Variants in CPSF3 observed in about 807,000 individuals in gnomAD.
CPSF3 encodes cleavage and polyadenylation specificity factor subunit 3.
In CPSF3, 57 loss-of-function variants were observed where a neutral mutation model predicts 84.1. The observed-to-expected ratio is 0.68, with a 90% CI of 0.55 to 0.85. The LOEUF (loss-of-function observed/expected upper bound fraction) is 0.85. Among genes scored for constraint, CPSF3 ranks in the 40% least tolerant of loss-of-function variants. The pLI is 0.00. For synonymous variants in CPSF3, 275 were observed against 278.1 expected (o/e 0.99, Z 0.11); for missense variants, 522 against 838.8 (o/e 0.62, Z 4.66).
chr2:9,443,553 TG>T lies in CPSF3; in HGVS notation c.1136del (p.Gly379AspfsTer6). The T allele has an allele frequency of 6.2e-7, 1 of 1,614,156 alleles. No individual in the cohort carries two copies. The highest frequency in any genetic ancestry group is 8.5e-7 in the Non-Finnish European group (1 of 1,179,982). On this transcript the variant is annotated frameshift_variant, in exon 10 of 18. Coordinates refer to ENST00000238112, the MANE Select transcript of CPSF3 (RefSeq NM_016207.4). LOFTEE classifies it high-confidence loss of function. ...AACCTGAAGAAATCACTACTATGTC[TG>T]GACAGAAGTTACCACTGAAAATGTC... ...SEPEEITTMS[G>X]QKLPLKMSVD...
chr2:9,443,710 A>G lies in CPSF3; in HGVS notation c.1242+49A>G, dbSNP rs777676840. On this transcript the variant is annotated intron_variant, in intron 10 of 17. Coordinates refer to ENST00000238112, the MANE Select transcript of CPSF3 (RefSeq NM_016207.4). ...TGTATTAAAGGGAAAAAAAGTGCAT[A>G]CCCAGGAAACTGTGCAGCAGGCAGT... is the stretch of plus-strand genomic sequence containing the variant. The G allele has an allele frequency of 1.9e-6, 3 of 1,594,100 alleles. No individual in the cohort carries two copies. The African/African-American group carries it at 4.0e-5, about 21-fold the overall frequency.
At position 9,432,647 on chromosome 2, in the gene CPSF3, C is replaced by T; in HGVS notation, c.478C>T (p.Leu160=). The change falls in exon 5 of 18, where the codon CTA becomes TTA. Residue 160 remains leucine (L), a synonymous_variant. Transcript: ENST00000238112. ...KFWCYHAGHV[L]GAAMFMIEIA... ...TTGGTGTTACCATGCAGGTCACGTC[C>T]TAGGAGCCGCCATGTTCATGATTGA... 3 of 1,567,110 alleles carry T rather than the reference C, an allele frequency of 1.9e-6. No homozygotes were observed. The highest frequency in any genetic ancestry group is 2.6e-6 in the Non-Finnish European group (3 of 1,145,320).
intron 15 of CPSF3, among the ~76,000 whole-genome samples, chr2:9,459,837 G>A (rs1012019981): frequency 7.3e-5 from 11 of 151,212 alleles, no homozygotes; most frequent in Non-Finnish European, 1.6e-4. Context: ...TTTAGTAGAG[G>A]TGGGGTTTCA....
chr2:9,466,244 GCACGCGCACA>G (rs1681919443), intron 15 of CPSF3, among the ~76,000 whole-genome samples: 1 of 114,626 alleles, frequency 8.7e-6, no homozygotes, highest in Non-Finnish European at 1.8e-5. Context: ...GTGCGCGCAC[GCACGCGCACA>G]CACGCACACA....
chr2:9,464,390 T>C (rs1681833208), intron 15 of CPSF3, among the ~76,000 whole-genome samples: 1 of 152,068 alleles, frequency 6.6e-6, no homozygotes, highest in Non-Finnish European at 1.5e-5. Context: ...TTTGGAAAGT[T>C]TCTTTTGATA....
intron 1 of CPSF3, among the ~76,000 whole-genome samples, chr2:9,428,272 C>T (rs1008402038): frequency 2.0e-5 from 3 of 151,970 alleles, no homozygotes. Context: ...GCTGGGATTA[C>T]AGGCGTGAGC....
rs1159171360 is a variant in CPSF3, at chr2:9,448,798, A to G, written c.1395+448A>G. On this transcript the variant is annotated intron_variant, in intron 11 of 17. Coordinates refer to ENST00000238112, the MANE Select transcript of CPSF3 (RefSeq NM_016207.4). ...TCTTGATCTCTTGACCACGTGATCC[A>G]CCCACCTCCGCCTCCCAAAGTGCTG... is the stretch of plus-strand genomic sequence containing the variant. Among the ~76,000 whole-genome samples, 6 of 151,940 alleles carry G rather than the reference A, an allele frequency of 3.9e-5. No homozygotes were observed. The South Asian group carries it at 1.2e-3, about 32-fold the overall frequency.
Position 9,429,949 on chromosome 2 carries a change from A to G in CPSF3, c.141A>G (p.Leu47=). The G allele has an allele frequency of 6.2e-7, 1 of 1,601,682 alleles. No homozygotes were observed. Among genetic ancestry groups the G allele is most frequent in the Non-Finnish European group, 8.5e-7 (1 of 1,175,520 alleles). Residue 47 remains leucine, a synonymous_variant, in exon 3 of 18, where the codon CTA becomes CTG. Transcript: ENST00000238112. ...TCGACTGTGGGATCCACCCTGGCCT[A>G]GAAGGAATGGATGCTCTTCCTTATA... is the stretch of plus-strand genomic sequence containing the variant. ...IMLDCGIHPG[L]EGMDALPYID...
chr2:9,431,648 A>G (rs1680595518), intron 4 of CPSF3, among the ~76,000 whole-genome samples: 1 of 148,114 alleles, frequency 6.8e-6, no homozygotes, highest in South Asian at 2.1e-4. Context: ...GGTTCAGGCA[A>G]TTCTCATGTC....
chr2:9,425,824 A>C (rs1308483640), intron 1 of CPSF3, among the ~76,000 whole-genome samples: 1 of 152,198 alleles, frequency 6.6e-6, no homozygotes, highest in Non-Finnish European at 1.5e-5. Flanking sequence ...CTTAACATAG[A>C]GTTATACAAC....
At chr2:9,459,978 T>TA (rs1370748442) in intron 15 of CPSF3, among the ~76,000 whole-genome samples, 1 of 152,080 alleles carries the variant, frequency 6.6e-6, no homozygotes, top group Admixed American at 6.6e-5. Context: ...TCATTTTTCT[T>TA]ATGTTTCTGT....
At chr2:9,470,509 A>G (rs1682128516) in intron 16 of CPSF3, among the ~76,000 whole-genome samples, 1 of 152,198 alleles carries the variant, frequency 6.6e-6, no homozygotes, top group Admixed American at 6.5e-5. Flanking sequence ...GAAATTAACC[A>G]TCAAAACTGT....
intron 4 of CPSF3, 59 bp from the exon 5 acceptor site, chr2:9,432,451 CA>C (rs1442286522): frequency 2.4e-6 from 3 of 1,249,242 alleles, no homozygotes; most frequent in East Asian, 5.1e-5. Flanking sequence ...TCTTTGTGTT[CA>C]AAGGCTTTTT....
chr2:9,466,192 GCGCTCACACACACA>G (rs1681904946), intron 15 of CPSF3, among the ~76,000 whole-genome samples: 3 of 148,336 alleles, frequency 2.0e-5, no homozygotes, highest in Non-Finnish European at 3.0e-5. Context: ...ACACACACAC[GCGCTCACACACACA>G]CGCGCACACA....
At position 9,448,209 on chromosome 2, in the gene CPSF3, T is replaced by C. The variant is rs11890304; in HGVS notation, c.1254T>C (p.His418=). The C allele has an allele frequency of 0.016, 25,615 of 1,601,540 alleles. 3,066 individuals carry two copies. In the African/African-American group the frequency reaches 0.28, roughly 17 times the overall value. The change falls in exon 11 of 18, where the codon CAT becomes CAC. Residue 418 remains histidine, a synonymous_variant. Transcript: ENST00000238112. ...ALKPPHVILV[H]GEQNEMARLK... is the part of the protein sequence containing the mutation. Reference sequence around the variant, plus strand: ...TTTATTCTATGTAGATTTTAGTCCATGGAGAACAGAATGAAATGGCCAGAT... The same window carrying C: ...TTTATTCTATGTAGATTTTAGTCCACGGAGAACAGAATGAAATGGCCAGAT...
chr2:9,441,575 T>G (rs1295059986), intron 8 of CPSF3, among the ~76,000 whole-genome samples: 1 of 152,242 alleles, frequency 6.6e-6, no homozygotes, highest in Non-Finnish European at 1.5e-5. Flanking sequence ...GCCCTCTAGC[T>G]ACCAACAGAA....
chr2:9,443,465 A>T, intron 9 of CPSF3, 50 bp from the exon 10 acceptor site: 1 of 1,554,236 alleles, frequency 6.4e-7, no homozygotes, highest in Non-Finnish European at 8.7e-7. Context: ...ATGTACCTTT[A>T]CGATTATAAC....
At chr2:9,452,440 T>C (rs1248313309) in intron 11 of CPSF3, among the ~76,000 whole-genome samples, 1 of 152,174 alleles carries the variant, frequency 6.6e-6, no homozygotes, top group African/African-American at 2.4e-5. Flanking sequence ...AGCTCACCCA[T>C]AACCTGTTTT....
At position 9,448,358 on chromosome 2, in the gene CPSF3, G is replaced by T; in HGVS notation, c.1395+8G>T. ...GGAGAAAAACTAGCCAAGGTAAAAGGTTATGGTTCCTGTCTGTCCAATCCA... is the reference window on the plus strand; with the variant it reads ...GGAGAAAAACTAGCCAAGGTAAAAGTTTATGGTTCCTGTCTGTCCAATCCA... On this transcript the variant is annotated splice_region_variant and intron_variant, in intron 11 of 17. Transcript: ENST00000238112. The T allele has an allele frequency of 6.2e-7, 1 of 1,607,222 alleles. No homozygotes were observed. The highest frequency in any genetic ancestry group is 8.5e-7 in the Non-Finnish European group (1 of 1,176,384).
Sources: gnomAD v4.1 joint callset for allele counts (sites outside exome capture counted in the v4.1 genomes callset) on GRCh38, gnomAD v4.1.1 for gene constraint, MANE v1.5 for transcripts, NCBI Gene and HGNC (gene_info 2026-07-23, HGNC 2026-07-21) for gene names.